Variants in ZNF717 observed in about 807,000 individuals in gnomAD.
ZNF717 encodes the protein zinc finger protein 717, also known as krueppel-like factor X17.
Under a neutral mutation model 13.8 loss-of-function variants are expected in ZNF717, and 9 were observed. That is an observed-to-expected ratio of 0.65 (90% CI 0.39 to 1.14). The LOEUF (loss-of-function observed/expected upper bound fraction) is 1.14. Ranked by LOEUF, ZNF717 falls within the 50% of genes most tolerant of loss-of-function variation. The pLI, the probability that ZNF717 is intolerant of heterozygous loss-of-function variation, is 0.01. For synonymous variants in ZNF717, 327 were observed against 364.1 expected, an observed-to-expected ratio of 0.90 and a Z score of 1.16; for missense variants, 1,040 against 1,080.7, an observed-to-expected ratio of 0.96 and a Z score of 0.53.
intron 2 of ZNF717, among the ~76,000 whole-genome samples, chr3:75,748,713 T>C (rs1358020043): frequency 1.3e-5 from 2 of 152,148 alleles, no homozygotes; most frequent in Admixed American, 6.5e-5. Context: ...GAGCTATTCG[T>C]GACAAACGCA....
chr3:75,766,152 G>T (rs892882324), intron 2 of ZNF717, among the ~76,000 whole-genome samples: 47 of 151,948 alleles, frequency 3.1e-4, no homozygotes, highest in Non-Finnish European at 5.0e-4. Context: ...AAAAATGGCA[G>T]ACCTAAATCC....
intron 2 of ZNF717, among the ~76,000 whole-genome samples, chr3:75,759,231 TA>T (rs58315208): frequency 4.3e-5 from 5 of 115,924 alleles, no homozygotes; most frequent in African/African-American, 1.2e-4. Flanking sequence ...ATTGTACACT[TA>T]AAAAAAAAAC....
chr3:75,759,959 T>G (rs1942835225), intron 2 of ZNF717, among the ~76,000 whole-genome samples: 1 of 152,262 alleles, frequency 6.6e-6, no homozygotes, highest in Admixed American at 6.5e-5. Flanking sequence ...TATGTCAGGT[T>G]GCTGTGTCAA....
At chr3:75,706,776 T>G (rs1488229915), downstream of ZNF717, among the ~76,000 whole-genome samples, 1 of 152,304 alleles carries the variant, frequency 6.6e-6, no homozygotes, top group Admixed American at 6.5e-5. Flanking sequence ...AAGTGGCAGA[T>G]AGGAGTATTA....
At chr3:75,759,497 G>A (rs376897917) in intron 2 of ZNF717, among the ~76,000 whole-genome samples, 155 of 152,172 alleles carry the variant, frequency 1.0e-3, no homozygotes, top group Non-Finnish European at 1.5e-3. Flanking sequence ...GGATGGTCTC[G>A]ATCTCCTGAC....
chr3:75,709,119 C>T (rs1441507200), downstream of ZNF717, among the ~76,000 whole-genome samples: 2 of 151,656 alleles, frequency 1.3e-5, no homozygotes. Flanking sequence ...CTGTTTCAGC[C>T]TCCTGAGTAG....
chr3:75,737,144 A>G lies in ZNF717; in HGVS notation c.2479T>C (p.Ser827Pro). The change falls in exon 5 of 5, where the codon TCA becomes CCA. Residue 827 changes from serine (S) to proline (P), a missense_variant. Physicochemically the swap from Ser to Pro is moderately conservative, Grantham distance 74. This residue lies in a region of ZNF717 where 873 missense variants were observed against 832.8 expected (regional missense o/e 1.05). Coordinates refer to ENST00000652011, the MANE Select transcript of ZNF717 (RefSeq NM_001290208.3). ...GTTCTGTGATGTACAAAGAGTTTTGACTTCTGGGAGAAGGTTTTCCTACAT... is the reference window on the plus strand; with the variant it reads ...GTTCTGTGATGTACAAAGAGTTTTGGCTTCTGGGAGAAGGTTTTCCTACAT... ...KECRKTFSQKSKLFVHHRTHT... is the reference protein window; with the variant it reads ...KECRKTFSQKPKLFVHHRTHT... 17 of 1,563,024 alleles carry G rather than the reference A, an allele frequency of 1.1e-5. No homozygotes were observed. Among genetic ancestry groups the G allele is most frequent in the East Asian group, 2.4e-5 (1 of 41,448 alleles).
intron 2 of ZNF717, among the ~76,000 whole-genome samples, chr3:75,765,035 A>ATGTGTGTG (rs150835839): frequency 3.4e-4 from 28 of 81,792 alleles, no homozygotes; most frequent in African/African-American, 1.0e-3. Flanking sequence ...ATATATGTAT[A>ATGTGTGTG]TGTGTGTGTG....
chr3:75,751,818 C>T (rs1397239651), intron 2 of ZNF717, among the ~76,000 whole-genome samples: 2 of 151,790 alleles, frequency 1.3e-5, no homozygotes, highest in African/African-American at 4.9e-5. Flanking sequence ...GATTTGAGAA[C>T]ACTGCTGCTG....
chr3:75,779,670 G>A (rs1575995092), intron 2 of ZNF717, among the ~76,000 whole-genome samples: 1 of 151,282 alleles, frequency 6.6e-6, no homozygotes, highest in East Asian at 2.0e-4. Flanking sequence ...CCAAAACAAT[G>A]GGAGAGTCGT....
Position 75,741,278 on chromosome 3 carries a change from G to A in ZNF717, c.275C>T (p.Ser92Leu). ...IVEETPNLRLSAVQIIDDLIE... is the reference protein window; with the variant it reads ...IVEETPNLRLLAVQIIDDLIE... ...CTGCCTGGTATTCACTGACTGACCT[G>A]AAAGTCTCAGGTTTGGGGTTTCTTC... Residue 92 changes from serine (S) to leucine (L), a missense_variant and splice_region_variant, in exon 4 of 5, where the codon TCA (serine) becomes TTA (leucine). This residue lies in a region of ZNF717 where 123 missense variants were observed against 177.8 expected (regional missense o/e 0.69). Coordinates refer to ENST00000652011, the MANE Select transcript of ZNF717 (RefSeq NM_001290208.3). 7 of 1,541,218 alleles carry A rather than the reference G, an allele frequency of 4.5e-6. No homozygotes were observed. The highest frequency in any genetic ancestry group is 6.2e-6 in the Non-Finnish European group (7 of 1,137,742).
intron 4 of ZNF717, among the ~76,000 whole-genome samples, chr3:75,720,613 A>C (rs1369237054): frequency 6.6e-6 from 1 of 152,262 alleles, no homozygotes; most frequent in Non-Finnish European, 1.5e-5. Flanking sequence ...ACAAATCTGC[A>C]CATGTACCCC....
chr3:75,749,123 A>T (rs1187251152), intron 2 of ZNF717, among the ~76,000 whole-genome samples: 1 of 151,968 alleles, frequency 6.6e-6, no homozygotes, highest in African/African-American at 2.4e-5. Flanking sequence ...TCCCTCACAT[A>T]GGATTCCAAA....
At chr3:75,713,582 C>T (rs80151360) in intron 5 of ZNF717, among the ~76,000 whole-genome samples, 4 of 151,770 alleles carry the variant, frequency 2.6e-5, no homozygotes, top group Non-Finnish European at 3.0e-5. Context: ...TATAGAAAGT[C>T]ATATGGGTAT....
chr3:75,744,660 G>A (rs1315164602), intron 2 of ZNF717, among the ~76,000 whole-genome samples: 33 of 152,354 alleles, frequency 2.2e-4, no homozygotes, highest in South Asian at 4.1e-4. Context: ...TTGTCGGGGA[G>A]GGGGCACAAT....
chr3:75,761,314 C>T (rs1397893366), intron 2 of ZNF717, among the ~76,000 whole-genome samples: 1 of 152,342 alleles, frequency 6.6e-6, no homozygotes, highest in Admixed American at 6.5e-5. Context: ...TATCTGGTTC[C>T]ACAGCGGGAT....
intron 5 of ZNF717, among the ~76,000 whole-genome samples, chr3:75,712,101 A>C (rs1313531942): frequency 6.6e-6 from 1 of 152,272 alleles, no homozygotes; most frequent in Non-Finnish European, 1.5e-5. Flanking sequence ...ACAGAAAAAA[A>C]GTTACAAGAG....
rs372134211 is a variant in ZNF717, at chr3:75,777,317, A to G, written c.57+5989T>C. ...CATGCTAAAACCGGAACCCAAAACA[A>G]TGGCAGTGACGTGCTAAAACCAGAA... On this transcript the variant is annotated intron_variant, in intron 2 of 4. Coordinates refer to ENST00000652011, the MANE Select transcript of ZNF717 (RefSeq NM_001290208.3). 9.2e-5 allele frequency among the ~76,000 whole-genome samples: 14 copies of G among 152,246 alleles called. No individual in the cohort carries two copies. The East Asian group carries it at 2.7e-3, about 29-fold the overall frequency.
intron 2 of ZNF717, among the ~76,000 whole-genome samples, chr3:75,753,454 TC>T (rs1942124808): frequency 6.6e-6 from 1 of 151,516 alleles, no homozygotes; most frequent in Non-Finnish European, 1.5e-5. Context: ...TGAATGTTTG[TC>T]CCTCACATAG....
Sources: allele counts gnomAD v4.1 joint callset (sites outside exome capture counted in the v4.1 genomes callset), GRCh38; gene constraint gnomAD v4.1.1; regional missense constraint gnomAD v4.1.1; transcripts MANE v1.5; gene names NCBI Gene and HGNC (gene_info 2026-07-23, HGNC 2026-07-21).